FOCAD: variants seen among roughly 807,000 people sequenced by gnomAD.
The protein encoded by FOCAD is focadhesin, also known as KIAA1797.
Under a neutral mutation model 225.6 loss-of-function variants are expected in FOCAD, and 198 were observed. The ratio of observed to expected loss-of-function variants is 0.88; its 90% CI spans 0.78 to 0.99. The LOEUF (loss-of-function observed/expected upper bound fraction) is 0.99. Among genes scored for constraint, FOCAD ranks in the 50% least tolerant of loss-of-function variants. The pLI is 0.00. For missense variants in FOCAD, 2,713 were observed against 2,123.6 expected (o/e 1.28, Z -5.46); for synonymous variants, 897 against 755.0 (o/e 1.19, Z -3.08).
intron 4 of FOCAD, among the ~76,000 whole-genome samples, chr9:20,735,108 ATTC>A (rs1422847172): frequency 9.9e-5 from 15 of 152,180 alleles, no homozygotes; most frequent in African/African-American, 3.4e-4. Flanking sequence ...TATGAATCTT[ATTC>A]TTCTGTGATT....
intron 16 of FOCAD, among the ~76,000 whole-genome samples, chr9:20,864,002 C>T (rs1426388085): frequency 2.6e-5 from 4 of 151,884 alleles, no homozygotes; most frequent in African/African-American, 9.7e-5. Flanking sequence ...ACTAGGGTTC[C>T]TCTGTTGTTC....
intron 2 of FOCAD, among the ~76,000 whole-genome samples, chr9:20,674,212 A>G (rs529867335): frequency 2.0e-5 from 3 of 152,274 alleles, no homozygotes; most frequent in African/African-American, 7.2e-5. Flanking sequence ...TAGATGTTCT[A>G]AGCTTATTAC....
intron 21 of FOCAD, among the ~76,000 whole-genome samples, chr9:20,894,774 T>C (rs1356276516): frequency 2.0e-5 from 3 of 152,108 alleles, no homozygotes; most frequent in African/African-American, 7.2e-5. Flanking sequence ...TTAGAGTCTA[T>C]GGCTTATCTA....
At chr9:20,747,049 T>G (rs745781988) in intron 5 of FOCAD, among the ~76,000 whole-genome samples, 2 of 152,192 alleles carry the variant, frequency 1.3e-5, no homozygotes, top group African/African-American at 4.8e-5. Flanking sequence ...TGAATAGTTA[T>G]CATTTTTTTG....
chr9:20,769,587 G>C (rs967037914), intron 7 of FOCAD, among the ~76,000 whole-genome samples: 9 of 152,202 alleles, frequency 5.9e-5, no homozygotes, highest in African/African-American at 1.9e-4. Context: ...GGCTGCCTGA[G>C]CAAGTATCTT....
intron 1 of FOCAD, among the ~76,000 whole-genome samples, chr9:20,710,691 T>C (rs559682607): frequency 8.5e-5 from 13 of 152,306 alleles, no homozygotes; most frequent in African/African-American, 2.6e-4. Context: ...TAAAGCCCAA[T>C]GTAAGAAATT....
chr9:20,938,482 A>G (rs535793613), intron 28 of FOCAD, among the ~76,000 whole-genome samples: 15 of 152,224 alleles, frequency 9.9e-5, no homozygotes, highest in Admixed American at 9.2e-4. Flanking sequence ...TCGCAAGGAC[A>G]AAAACCAAAC....
intron 21 of FOCAD, among the ~76,000 whole-genome samples, chr9:20,892,709 A>C (rs1469822060): frequency 1.3e-5 from 2 of 152,290 alleles, no homozygotes; most frequent in East Asian, 3.9e-4. Flanking sequence ...TTACAATATT[A>C]CATAAACGTA....
At chr9:20,932,054 C>G (rs537361659) in intron 27 of FOCAD, among the ~76,000 whole-genome samples, 29 of 151,988 alleles carry the variant, frequency 1.9e-4, no homozygotes, top group Admixed American at 2.0e-4. Flanking sequence ...TGTCATAACC[C>G]CCAGAAAATA....
chr9:20,731,652 T>C (rs1826713954), intron 4 of FOCAD, among the ~76,000 whole-genome samples: 1 of 152,098 alleles, frequency 6.6e-6, no homozygotes, highest in Non-Finnish European at 1.5e-5. Context: ...AGTTTCGTTC[T>C]TGTTGCCCAG....
chr9:20,745,686 T>C (rs1453557483), intron 5 of FOCAD, among the ~76,000 whole-genome samples: 1 of 152,158 alleles, frequency 6.6e-6, no homozygotes, highest in Non-Finnish European at 1.5e-5. Flanking sequence ...TGTTCCAGAA[T>C]TCGTGTATTT....
Position 20,737,785 on chromosome 9 carries a change from T to A in FOCAD, c.288-2451T>A, listed in dbSNP as rs578084530. ...CCTGGGTCAGAGCTGCAGGACTGCATCCCTGAGACCTGGTAAGTTAGCTTA... is the reference window on the plus strand; with the variant it reads ...CCTGGGTCAGAGCTGCAGGACTGCAACCCTGAGACCTGGTAAGTTAGCTTA... On this transcript the variant is annotated intron_variant, in intron 4 of 43. Transcript: ENST00000338382. 2.6e-4 allele frequency among the ~76,000 whole-genome samples: 39 copies of A among 152,290 alleles called. 1 individual carries two copies. The East Asian group carries it at 5.4e-3, about 21-fold the overall frequency.
At chr9:20,754,904 C>T (rs1189456616) in intron 5 of FOCAD, among the ~76,000 whole-genome samples, 4 of 152,146 alleles carry the variant, frequency 2.6e-5, no homozygotes, top group Non-Finnish European at 4.4e-5. Context: ...CATTATATTA[C>T]GTGAGCCTAA....
intron 5 of FOCAD, among the ~76,000 whole-genome samples, chr9:20,741,356 T>C (rs7034088): frequency 0.059 from 8,967 of 152,244 alleles, 468 homozygotes; most frequent in African/African-American, 0.14. Context: ...GTATCTCATA[T>C]ACTGTAAATG....
At chr9:20,970,172 G>GCC (rs1839638530) in intron 35 of FOCAD, among the ~76,000 whole-genome samples, 1 of 152,048 alleles carries the variant, frequency 6.6e-6, no homozygotes, top group Non-Finnish European at 1.5e-5. Context: ...GTACGTCTTA[G>GCC]TGTGGATCTC....
Position 20,888,049 on chromosome 9 carries a change from CAA to C in FOCAD, c.2625+2822_2625+2823del, listed in dbSNP as rs1831255931. Reference sequence around the variant, plus strand: ...TTTTTAGAATTGGGGCTTTTGTTTTCAAAAGAGTGTTCTTTATATATTCTGGA... The same window carrying C: ...TTTTTAGAATTGGGGCTTTTGTTTTCAAGAGTGTTCTTTATATATTCTGGA... On this transcript the variant is annotated intron_variant, in intron 21 of 43. Coordinates refer to ENST00000338382, the MANE Select transcript of FOCAD (RefSeq NM_001375567.1). Among the ~76,000 whole-genome samples, 8 of 140,858 alleles carry C rather than the reference CAA, an allele frequency of 5.7e-5. No homozygotes were observed. The South Asian group carries it at 1.9e-3, about 34-fold the overall frequency. 92.4% of individuals were successfully genotyped at this position (140,858 alleles called of 152,430 possible). A position where few individuals can be genotyped will look rare whatever the true frequency, so the allele number is the denominator to read the frequency against.
intron 11 of FOCAD, among the ~76,000 whole-genome samples, chr9:20,818,993 C>A (rs978551485): frequency 7.2e-5 from 11 of 152,048 alleles, no homozygotes; most frequent in Non-Finnish European, 2.9e-5. Context: ...GTCTTCTAAT[C>A]CATGAATGTA....
chr9:20,815,635 A>T (rs577488718), intron 11 of FOCAD, among the ~76,000 whole-genome samples: 37 of 151,910 alleles, frequency 2.4e-4, no homozygotes, highest in Non-Finnish European at 5.3e-4. Flanking sequence ...CAGTCCCATG[A>T]TTATAAATTA....
At chr9:20,871,800 C>A (rs1829799047) in intron 18 of FOCAD, among the ~76,000 whole-genome samples, 1 of 148,074 alleles carries the variant, frequency 6.8e-6, no homozygotes, top group East Asian at 2.0e-4. Flanking sequence ...GGAGATATAC[C>A]TAATGCTAAA....
Sources: gnomAD v4.1 joint callset for allele counts (sites outside exome capture counted in the v4.1 genomes callset) on GRCh38, gnomAD v4.1.1 for gene constraint, MANE v1.5 for transcripts, NCBI Gene and HGNC (gene_info 2026-07-23, HGNC 2026-07-21) for gene names.